The following HELZ2 variants were observed in gnomAD, a reference collection of about 807,000 sequenced individuals.
HELZ2 encodes helicase with zinc finger 2.
In HELZ2, 143 loss-of-function variants were observed where a neutral mutation model predicts 208.8. The ratio of observed to expected loss-of-function variants is 0.68; its 90% CI spans 0.60 to 0.79. The LOEUF (loss-of-function observed/expected upper bound fraction) is 0.79. HELZ2 is among the 30% of genes least tolerant of loss of function. The pLI is 0.00. For synonymous variants in HELZ2, 1,705 were observed against 1,693.7 expected, an observed-to-expected ratio of 1.01 and a Z score of -0.16; for missense variants, 3,690 against 3,794.5, an observed-to-expected ratio of 0.97 and a Z score of 0.72.
chr20:63,560,251 G>A lies in HELZ2; in HGVS notation c.7577C>T (p.Ala2526Val), dbSNP rs758785414. The change falls in exon 17 of 19, where the codon GCG becomes GTG. Residue 2526 changes from alanine to valine, a missense_variant. Coordinates refer to ENST00000467148, the Ensembl canonical transcript of HELZ2. ...GGCCTTGCTGATCTCAGAGGCCTGC[G>A]CGTTGTAGGGCGTGAGGACGGCGAT... is the stretch of plus-strand genomic sequence containing the variant. 2.2e-5 allele frequency: 35 copies of A among 1,560,296 alleles called. No homozygotes were observed. Among genetic ancestry groups the A allele is most frequent in the East Asian group, 1.2e-4 (5 of 42,024 alleles).
intron 1 of HELZ2, chr20:63,571,364 G>T (rs28475035): frequency 3.8e-5 from 1 of 26,298 alleles, no homozygotes; most frequent in Non-Finnish European, 8.9e-5. Flanking sequence ...CTCCTGCCCC[G>T]CTCCAAGCTC....
intron 1 of HELZ2, 115 bp from the exon 3 acceptor site, chr20:63,570,983 G>C (rs1308814835): frequency 6.3e-6 from 5 of 794,412 alleles, no homozygotes; most frequent in East Asian, 2.7e-5. Context: ...GGCTTTATTC[G>C]TCCCACCCAC....
At chr20:63,564,368 C>G in exon 8 of HELZ2, 1 of 1,559,464 alleles carries the variant, frequency 6.4e-7, no homozygotes. Flanking sequence ...GGCCACGACG[C>G]AGGCGTCCAC....
chr20:63,559,332 T>C, exon 19 of HELZ2: 2 of 1,602,996 alleles, frequency 1.2e-6, no homozygotes, highest in Non-Finnish European at 1.7e-6. Flanking sequence ...TCCAGGAGGC[T>C]ACGCCAGAGG....
chr20:63,574,078 C>T (rs1222230902), upstream of HELZ2: 2 of 146,534 alleles, frequency 1.4e-5, no homozygotes, highest in Non-Finnish European at 3.0e-5. Flanking sequence ...CGGACCCCCC[C>T]CTCCGCCCCC....
Position 63,568,625 on chromosome 20 carries a change from AGT to A in HELZ2, c.1461_1462del (p.Leu488AlafsTer2), listed in dbSNP as rs763773780. ...GGGCACCACCAGCTGCTCCTCAGGC[AGT>A]GTGTCCACTGCCTGGTGCCAGAGGC... On this transcript the variant is annotated frameshift_variant, in exon 5 of 19. Coordinates refer to ENST00000467148, the Ensembl canonical transcript of HELZ2. LOFTEE classifies it high-confidence loss of function. The A allele has an allele frequency of 2.6e-5, 42 of 1,602,456 alleles. No homozygotes were observed. The East Asian group carries it at 8.7e-4, about 33-fold the overall frequency.
At chr20:63,564,116 T>C (rs1471410914) in exon 8 of HELZ2, 1 of 1,611,056 alleles carries the variant, frequency 6.2e-7, no homozygotes, top group African/African-American at 1.3e-5. Context: ...GTCCCCATGC[T>C]TCTCACACAG....
chr20:63,570,998 G>A (rs2083011100), intron 1 of HELZ2, 130 bp from the exon 3 acceptor site: 2 of 699,408 alleles, frequency 2.9e-6, no homozygotes, highest in African/African-American at 3.6e-5. Context: ...ACCCACTCCT[G>A]TGCTCCCGGG....
chr20:63,559,115 T>G (rs967130093), downstream of HELZ2: 1 of 1,025,668 alleles, frequency 9.7e-7, no homozygotes, highest in Non-Finnish European at 1.4e-6. Flanking sequence ...ACCCACTTCC[T>G]GCCCCAGGGA....
chr20:63,566,874 C>T (rs1467401782), exon 6 of HELZ2: 3 of 1,605,110 alleles, frequency 1.9e-6, no homozygotes, highest in Non-Finnish European at 2.5e-6. Flanking sequence ...CACAGATGCA[C>T]CTCTGCTCGC....
chr20:63,571,772 G>A (rs375820397), intron 1 of HELZ2: 60 of 27,330 alleles, frequency 2.2e-3, no homozygotes, highest in East Asian at 6.5e-3. Flanking sequence ...CTCCTGCCCC[G>A]CTCCAAGCTC....
rs1316629833 is a variant in HELZ2, at chr20:63,570,669, C to T, written c.462+16G>A. 2 of 1,369,820 alleles carry T rather than the reference C, an allele frequency of 1.5e-6. No individual in the cohort carries two copies. The highest frequency in any genetic ancestry group is 3.0e-5 in the East Asian group (1 of 33,518). The allele number at this position is 1,369,820 out of a possible 1,614,324, so 84.9% of individuals were successfully genotyped here. ...TGGACCCCACCCCACCCCACCCACTCCCAGGGCCCACTTACCACAAGGACC... is the reference window on the plus strand; with the variant it reads ...TGGACCCCACCCCACCCCACCCACTTCCAGGGCCCACTTACCACAAGGACC... On this transcript the variant is annotated intron_variant, in intron 2 of 18. Transcript: ENST00000467148.
exon 4 of HELZ2, chr20:63,569,433 C>A (rs769578226): frequency 2.5e-6 from 4 of 1,608,770 alleles, no homozygotes; most frequent in Admixed American, 1.7e-5. Context: ...CAGCTGCAGC[C>A]CCAGCTTTTG....
At chr20:63,568,979 A>G in exon 5 of HELZ2, 1 of 1,602,504 alleles carries the variant, frequency 6.2e-7, no homozygotes, top group Non-Finnish European at 8.5e-7. Context: ...CTTCAGGAAC[A>G]CCTGGCCCCG....
chr20:63,566,974 A>G (rs2082967362), exon 6 of HELZ2: 3 of 1,611,452 alleles, frequency 1.9e-6, no homozygotes, highest in Admixed American at 1.7e-5. Context: ...CCAGGACGCC[A>G]TGGACATGTC....
Position 63,572,098 on chromosome 20 carries a change from G to A in HELZ2, c.278+10C>T, listed in dbSNP as rs373965657. 45 of 1,601,848 alleles carry A rather than the reference G, an allele frequency of 2.8e-5. No individual in the cohort carries two copies. The African/African-American group carries it at 5.2e-4, about 19-fold the overall frequency. On this transcript the variant is annotated intron_variant, in intron 1 of 18. Transcript: ENST00000467148. ...GCCCTACTCCAAGCTCCTGCCTCGA[G>A]TATCCTTACTTTGGGCAGAGCTCGA...
intron 7 of HELZ2, 45 bp downstream of exon 8, chr20:63,566,333 G>T: frequency 6.5e-7 from 1 of 1,533,120 alleles, no homozygotes; most frequent in South Asian, 1.2e-5. Context: ...GCCACCCGGG[G>T]TATCCTGGGG....
At chr20:63,566,712 C>A in intron 6 of HELZ2, 132 bp downstream of exon 7, 1 of 937,370 alleles carries the variant, frequency 1.1e-6, no homozygotes, top group Non-Finnish European at 1.6e-6. Flanking sequence ...CCACCTCAGC[C>A]CTGGGAGGCA....
chr20:63,568,989 G>T, exon 5 of HELZ2: 1 of 1,601,706 alleles, frequency 6.2e-7, no homozygotes, highest in South Asian at 1.1e-5. Context: ...ACCTGGCCCC[G>T]CAGGGTCAGC....
Sources: gnomAD v4.1 joint callset for allele counts on GRCh38, gnomAD v4.1.1 for gene constraint, MANE v1.5 for transcripts, NCBI Gene and HGNC (gene_info 2026-07-23, HGNC 2026-07-21) for gene names.